The following LPP variants were observed in gnomAD, a reference collection of about 807,000 sequenced individuals.
The protein encoded by LPP is LIM domain containing preferred translocation partner in lipoma, also known as lipoma-preferred partner.
A neutral mutation model predicts 60.4 loss-of-function variants in LPP; 38 were observed. That is an observed-to-expected ratio of 0.63 (90% CI 0.49 to 0.83). The LOEUF (loss-of-function observed/expected upper bound fraction) is 0.83, where lower values mean the gene tolerates loss of function less well. LPP is among the 40% of genes least tolerant of loss of function. The probability of loss-of-function intolerance (pLI) is 0.00; values close to 1 mark genes in which losing one functional copy is unlikely to be tolerated. For synonymous variants in LPP, 328 were observed against 290.8 expected (o/e 1.13, Z -1.30); for missense variants, 902 against 783.6 (o/e 1.15, Z -1.80).
rs1293163583 is a variant in LPP at position 188,878,365 on chromosome 3, G to C, written c.*3886G>C. Reference sequence around the variant, plus strand: ...TCACCATTCCTCTTGGCTTGGAAAGGCTTTATTTTTTCATATACATTTCTA... The same window carrying C: ...TCACCATTCCTCTTGGCTTGGAAAGCCTTTATTTTTTCATATACATTTCTA... On this transcript the variant is annotated 3_prime_UTR_variant, in exon 12 of 12. Coordinates refer to ENST00000617246, the MANE Select transcript of LPP (RefSeq NM_001375462.1). 3 of 218,088 alleles carry C rather than the reference G, an allele frequency of 1.4e-5. No individual in the cohort carries two copies. Among genetic ancestry groups the C allele is most frequent in the African/African-American group, 6.7e-5 (3 of 44,578 alleles). The allele number at this position is 218,088 out of a possible 1,614,324, so 13.5% of individuals were successfully genotyped here.
At chr3:188,162,688 C>G (rs1162268951) in intron 1 of LPP, among the ~76,000 whole-genome samples, 4 of 152,186 alleles carry the variant, frequency 2.6e-5, no homozygotes. Flanking sequence ...AATGGAGATC[C>G]TGTGATCTAT....
chr3:188,492,473 T>A (rs1446239120), intron 5 of LPP, among the ~76,000 whole-genome samples: 1 of 152,104 alleles, frequency 6.6e-6, no homozygotes, highest in Non-Finnish European at 1.5e-5. Context: ...GGTAGGTGGA[T>A]TACCTGAGGT....
intron 3 of LPP, among the ~76,000 whole-genome samples, chr3:188,395,789 A>G (rs1438149322): frequency 6.6e-6 from 1 of 151,990 alleles, no homozygotes; most frequent in East Asian, 1.9e-4. Context: ...TGGCACACCT[A>G]TAGTCCCGAC....
chr3:188,340,396 CTTTTTTT>C (rs5855188), intron 2 of LPP, among the ~76,000 whole-genome samples: 2 of 116,630 alleles, frequency 1.7e-5, no homozygotes, highest in African/African-American at 6.4e-5. Flanking sequence ...CAATCATGCT[CTTTTTTT>C]TTTTTTTTTT....
chr3:188,508,737 A>G (rs957398580), intron 5 of LPP, among the ~76,000 whole-genome samples: 1 of 152,258 alleles, frequency 6.6e-6, no homozygotes, highest in Non-Finnish European at 1.5e-5. Context: ...AAACTGTCGA[A>G]TGAGAGAAAA....
At chr3:188,507,805 G>C (rs899729624) in intron 5 of LPP, among the ~76,000 whole-genome samples, 1 of 152,194 alleles carries the variant, frequency 6.6e-6, no homozygotes, top group Admixed American at 6.5e-5. Context: ...GAGACACATA[G>C]CTTTGCAGCT....
intron 2 of LPP, among the ~76,000 whole-genome samples, chr3:188,278,652 G>A (rs1316789933): frequency 2.0e-5 from 3 of 152,050 alleles, no homozygotes; most frequent in Non-Finnish European, 4.4e-5. Context: ...TCTCCTCTCG[G>A]TGTTTCTCTA....
rs557946374 is a variant in LPP at position 188,818,952 on chromosome 3, G to A, written c.1411-47248G>A. Among the ~76,000 whole-genome samples, 54 of 151,788 alleles carry A rather than the reference G, an allele frequency of 3.6e-4. 1 individual carries two copies. The highest frequency in any genetic ancestry group is 1.3e-3 in the African/African-American group (53 of 41,386). Reference sequence around the variant, plus strand: ...TTATGAAGATAATTGTCTGGTAATTGTCATGAGAATTCAGTTGATGATAAT... The same window carrying A: ...TTATGAAGATAATTGTCTGGTAATTATCATGAGAATTCAGTTGATGATAAT... On this transcript the variant is annotated intron_variant, in intron 9 of 11. Coordinates refer to ENST00000617246, the MANE Select transcript of LPP (RefSeq NM_001375462.1).
intron 1 of LPP, among the ~76,000 whole-genome samples, chr3:188,159,578 A>G (rs1717561496): frequency 6.6e-6 from 1 of 152,204 alleles, no homozygotes; most frequent in African/African-American, 2.4e-5. Flanking sequence ...AGAATGCCTG[A>G]CACATGGTAG....
intron 7 of LPP, among the ~76,000 whole-genome samples, chr3:188,684,684 A>G (rs78006396): frequency 0.13 from 19,898 of 151,900 alleles, 1,473 homozygotes; most frequent in Non-Finnish European, 0.17. Flanking sequence ...ATGTAAATAC[A>G]TATTTTATTC....
chr3:188,548,433 C>T (rs577814709), intron 6 of LPP, among the ~76,000 whole-genome samples: 8 of 152,166 alleles, frequency 5.3e-5, no homozygotes, highest in South Asian at 4.1e-4. Context: ...TGACCTCTTG[C>T]GGTCGATGTT....
intron 9 of LPP, among the ~76,000 whole-genome samples, chr3:188,765,482 T>C (rs933540379): frequency 2.0e-5 from 3 of 152,226 alleles, no homozygotes; most frequent in Non-Finnish European, 2.9e-5. Flanking sequence ...CTTCCATTCA[T>C]ACAGCCCCTT....
At chr3:188,581,741 A>G in intron 6 of LPP, among the ~76,000 whole-genome samples, 1 of 152,102 alleles carries the variant, frequency 6.6e-6, no homozygotes, top group East Asian at 1.9e-4. Flanking sequence ...CCTAAATCGT[A>G]AAAATTAAAA....
intron 1 of LPP, among the ~76,000 whole-genome samples, chr3:188,161,069 G>A (rs1213722552): frequency 6.6e-6 from 1 of 152,204 alleles, no homozygotes; most frequent in Admixed American, 6.5e-5. Flanking sequence ...ATGTGTGTTT[G>A]GAGATCACTG....
Position 188,864,750 on chromosome 3 carries a change from A to G in LPP, c.1411-1450A>G, listed in dbSNP as rs1241712435. ...AGTGGTCTGAGATGTTATGAGAACC[A>G]TAAAGGGGGGTTGGATACCATGTAA... On this transcript the variant is annotated intron_variant, in intron 9 of 11. Transcript: ENST00000617246. Among the ~76,000 whole-genome samples the G allele has an allele frequency of 4.6e-5, 7 of 152,378 alleles. No homozygotes were observed. The South Asian group carries it at 1.4e-3, about 32-fold the overall frequency.
rs1024376969 is a variant in LPP, at chr3:188,659,501, C to T, written c.1114-48766C>T. On this transcript the variant is annotated intron_variant, in intron 7 of 11. Coordinates refer to ENST00000617246, the MANE Select transcript of LPP (RefSeq NM_001375462.1). The stretch of plus-strand genomic sequence containing the variant: ...TCCAGGGTGGCCTTTAATATATGTT[C>T]GGAATATATTTATTCAACAAATGTT... Among the ~76,000 whole-genome samples, 5 of 152,164 alleles carry T rather than the reference C, an allele frequency of 3.3e-5. No individual in the cohort carries two copies. In the South Asian group the frequency reaches 6.2e-4, roughly 19 times the overall value.
At chr3:188,860,695 A>C (rs1764991424) in intron 9 of LPP, among the ~76,000 whole-genome samples, 1 of 152,174 alleles carries the variant, frequency 6.6e-6, no homozygotes, top group East Asian at 1.9e-4. Flanking sequence ...TTAATTCATT[A>C]ACTAACTGAT....
At chr3:188,236,086 A>G (rs56264826) in intron 2 of LPP, among the ~76,000 whole-genome samples, 4,256 of 151,436 alleles carry the variant, frequency 0.028, 199 homozygotes, top group African/African-American at 0.099. Context: ...CAAATGTTAA[A>G]AAAAAGACAG....
intron 2 of LPP, among the ~76,000 whole-genome samples, chr3:188,290,530 A>T (rs1745589880): frequency 6.6e-6 from 1 of 152,096 alleles, no homozygotes; most frequent in African/African-American, 2.4e-5. Flanking sequence ...TTACTATTCC[A>T]TTATACTACA....
Sources: allele counts gnomAD v4.1 joint callset (sites outside exome capture counted in the v4.1 genomes callset), GRCh38; gene constraint gnomAD v4.1.1; transcripts MANE v1.5; gene names NCBI Gene and HGNC (gene_info 2026-07-23, HGNC 2026-07-21).